Variants in CFTR observed in about 807,000 individuals in gnomAD.
CFTR encodes CF transmembrane conductance regulator.
CFTR carries 181 observed loss-of-function variants against 171.6 expected under a neutral mutation model. That is an observed-to-expected ratio of 1.05 (90% CI 0.93 to 1.19). The LOEUF is 1.19. CFTR is among the 50% of genes most tolerant of loss of function. The probability of loss-of-function intolerance (pLI) is 0.00; values close to 1 mark genes in which losing one functional copy is unlikely to be tolerated. For missense variants in CFTR, 1,968 were observed against 1,734.7 expected, an observed-to-expected ratio of 1.13 and a Z score of -2.39; for synonymous variants, 583 against 608.0, an observed-to-expected ratio of 0.96 and a Z score of 0.60.
chr7:117,603,712 A>C lies in CFTR; in HGVS notation c.2838A>C (p.Lys946Asn). Reference protein sequence around the residue: ...PLVHTLITVSKILHHKMLHSV... With the variant: ...PLVHTLITVSNILHHKMLHSV... Reference sequence around the variant, plus strand: ...TGCATACTCTAATCACAGTGTCGAAAATTTTACACCACAAAATGTTACATT... The same window carrying C: ...TGCATACTCTAATCACAGTGTCGAACATTTTACACCACAAAATGTTACATT... The change falls in exon 17 of 27, where the codon AAA (lysine) becomes AAC (asparagine). Residue 946 changes from lysine (K) to asparagine (N), a missense_variant. Transcript: ENST00000003084. 1 of 1,614,060 alleles carries C rather than the reference A, an allele frequency of 6.2e-7. No homozygotes were observed. Among genetic ancestry groups the C allele is most frequent in the Non-Finnish European group, 8.5e-7 (1 of 1,179,962 alleles).
intron 23 of CFTR, among the ~76,000 whole-genome samples, chr7:117,649,778 A>G (rs1584841486): frequency 6.6e-6 from 1 of 152,118 alleles, no homozygotes; most frequent in Non-Finnish European, 1.5e-5. Context: ...ACAAATGCAC[A>G]TATAATCTTA....
chr7:117,564,533 A>C (rs1791567837), intron 11 of CFTR: 1 of 162,238 alleles, frequency 6.2e-6, no homozygotes, highest in South Asian at 2.1e-4. Flanking sequence ...TTGATGGTTA[A>C]GCAGCTGGTG....
chr7:117,623,777 A>G (rs372336829), intron 21 of CFTR, among the ~76,000 whole-genome samples: 1 of 152,176 alleles, frequency 6.6e-6, no homozygotes, highest in East Asian at 1.9e-4. Flanking sequence ...ACAAAGATTT[A>G]TTAAGTGACT....
intron 3 of CFTR, among the ~76,000 whole-genome samples, chr7:117,529,882 T>G (rs553478017): frequency 6.6e-6 from 1 of 152,302 alleles, no homozygotes; most frequent in South Asian, 2.1e-4. Flanking sequence ...TATCATAGCA[T>G]CATTTCCTCT....
intron 4 of CFTR, among the ~76,000 whole-genome samples, 155 bp downstream of exon 4, chr7:117,531,269 C>T (rs1045750610): frequency 1.3e-5 from 2 of 151,846 alleles, no homozygotes; most frequent in African/African-American, 4.8e-5. Context: ...AATTAATGCT[C>T]TTAATTATCC....
chr7:117,556,512 C>CTTTTTTT (rs55700428), intron 10 of CFTR, among the ~76,000 whole-genome samples: 16 of 45,920 alleles, frequency 3.5e-4, no homozygotes, highest in South Asian at 1.3e-3. Flanking sequence ...TGTTTCATTT[C>CTTTTTTT]TTTTTTTTTT....
rs1792935893 is a variant in CFTR at position 117,642,569 on chromosome 7, G to C, written c.3849G>C (p.Arg1283Ser). ...SWDSITLQQW[R>S]KAFGVIPQKV... ...ATTCAATAACTTTGCAACAGTGGAG[G>C]AAAGCCTTTGGAGTGATACCACAGG... Residue 1283 changes from arginine to serine, a missense_variant, in exon 23 of 27, where the codon AGG becomes AGC. Coordinates refer to ENST00000003084, the MANE Select transcript of CFTR (RefSeq NM_000492.4). 6.2e-7 allele frequency: 1 copy of C among 1,613,502 alleles called. No individual in the cohort carries two copies. The highest frequency in any genetic ancestry group is 1.3e-5 in the African/African-American group (1 of 75,024).
intron 22 of CFTR, among the ~76,000 whole-genome samples, chr7:117,638,349 C>T (rs1267362125): frequency 6.6e-6 from 1 of 151,876 alleles, no homozygotes; most frequent in Admixed American, 6.6e-5. Flanking sequence ...TTTTTTTTAT[C>T]CCTTTGTTTA....
intron 24 of CFTR, among the ~76,000 whole-genome samples, chr7:117,658,636 C>A (rs1008339565): frequency 1.3e-5 from 2 of 152,166 alleles, no homozygotes; most frequent in South Asian, 2.1e-4. Context: ...TTCCTAATTC[C>A]ACTGAATGGC....
rs141033578 is a variant in CFTR, at chr7:117,606,695, C to T, written c.2930C>T (p.Ser977Phe). 9 of 1,587,422 alleles carry T rather than the reference C, an allele frequency of 5.7e-6. No homozygotes were observed. Among genetic ancestry groups the T allele is most frequent in the Non-Finnish European group, 6.1e-6 (7 of 1,156,310 alleles). The change falls in exon 18 of 27, where the codon TCC (serine) becomes TTC (phenylalanine). Residue 977 changes from serine (S) to phenylalanine (F), a missense_variant. Ser to Phe is a radical substitution (Grantham distance 155, BLOSUM62 -2). Coordinates refer to ENST00000003084, the MANE Select transcript of CFTR (RefSeq NM_000492.4). Reference protein sequence around the residue: ...LKAGGILNRFSKDIAILDDLL... With the variant: ...LKAGGILNRFFKDIAILDDLL... ...ATAGGTGGGATTCTTAATAGATTCT[C>T]CAAAGATATAGCAATTTTGGATGAC...
intron 23 of CFTR, among the ~76,000 whole-genome samples, chr7:117,648,129 C>T (rs1198064458): frequency 6.7e-6 from 1 of 148,976 alleles, no homozygotes; most frequent in Non-Finnish European, 1.5e-5. Flanking sequence ...TATTTACCTA[C>T]CTACTGTGTG....
chr7:117,566,262 C>CACACACAA (rs1791600917), intron 11 of CFTR, among the ~76,000 whole-genome samples: 1 of 150,876 alleles, frequency 6.6e-6, no homozygotes, highest in Admixed American at 6.6e-5. Context: ...CACACACACA[C>CACACACAA]ACACACACAC....
Position 117,587,912 on chromosome 7 carries a change from T to A in CFTR, c.1679+79T>A, listed in dbSNP as rs958436000. ...AAAAAAATTACAGACATTTCTCTAT[T>A]GCTTTATATTCTGTTTCTGGAATTG... On this transcript the variant is annotated intron_variant, in intron 12 of 26. Transcript: ENST00000003084. 8.0e-6 allele frequency: 7 copies of A among 873,094 alleles called. No homozygotes were observed. The African/African-American group carries it at 1.0e-4, about 12-fold the overall frequency. 54.1% of individuals were successfully genotyped at this position (873,094 alleles called of 1,614,324 possible). A position where few individuals can be genotyped will look rare whatever the true frequency, so the allele number is the denominator to read the frequency against.
At chr7:117,537,399 A>AT (rs3840656) in intron 7 of CFTR, among the ~76,000 whole-genome samples, 35,069 of 152,178 alleles carry the variant, frequency 0.23, 4,350 homozygotes, top group East Asian at 0.42. Flanking sequence ...CAATGAGACC[A>AT]TTTTTCTTCA....
chr7:117,620,356 C>T (rs1013022021), intron 21 of CFTR, among the ~76,000 whole-genome samples: 1 of 152,178 alleles, frequency 6.6e-6, no homozygotes, highest in Non-Finnish European at 1.5e-5. Context: ...TCTAAGGTTC[C>T]TTCAAGCTTT....
intron 8 of CFTR, 84 bp downstream of exon 8, chr7:117,540,430 G>A: frequency 1.5e-6 from 2 of 1,342,320 alleles, no homozygotes; most frequent in African/African-American, 2.9e-5. Context: ...GCAAAAATGT[G>A]CGAAAAGATA....
At chr7:117,583,172 C>G (rs567314539) in intron 11 of CFTR, among the ~76,000 whole-genome samples, 89 of 152,094 alleles carry the variant, frequency 5.9e-4, no homozygotes, top group African/African-American at 2.1e-3. Context: ...TTTTCTTTTT[C>G]TTTTTTAAAA....
At chr7:117,564,178 C>T (rs1247972040) in intron 11 of CFTR, among the ~76,000 whole-genome samples, 1 of 152,184 alleles carries the variant, frequency 6.6e-6, no homozygotes, top group African/African-American at 2.4e-5. Flanking sequence ...TTGAAGTAGG[C>T]ATGTCAGTTG....
At chr7:117,566,691 G>A (rs1211818474) in intron 11 of CFTR, among the ~76,000 whole-genome samples, 1 of 151,860 alleles carries the variant, frequency 6.6e-6, no homozygotes, top group Non-Finnish European at 1.5e-5. Flanking sequence ...TTGAGCCCTG[G>A]AACTTGAAAA....
Sources: allele counts gnomAD v4.1 joint callset (sites outside exome capture counted in the v4.1 genomes callset), GRCh38; gene constraint gnomAD v4.1.1; transcripts MANE v1.5; gene names NCBI Gene and HGNC (gene_info 2026-07-23, HGNC 2026-07-21).